The following GPC6 variants were observed in gnomAD, a reference collection of about 807,000 sequenced individuals.
GPC6 encodes the protein glypican-6.
Under a neutral mutation model 55.2 loss-of-function variants are expected in GPC6, and 14 were observed. The ratio of observed to expected loss-of-function variants is 0.25; its 90% CI spans 0.17 to 0.40. The LOEUF (loss-of-function observed/expected upper bound fraction) is 0.40, where lower values mean the gene tolerates loss of function less well. GPC6 is among the 10% of genes least tolerant of loss of function. The pLI is 1.00. For missense variants in GPC6, 641 were observed against 708.5 expected, an observed-to-expected ratio of 0.90 and a Z score of 1.08; for synonymous variants, 278 against 259.6, an observed-to-expected ratio of 1.07 and a Z score of -0.68.
chr13:93,964,340 AT>A, intron 3 of GPC6, among the ~76,000 whole-genome samples: 1 of 152,248 alleles, frequency 6.6e-6, no homozygotes, highest in African/African-American at 2.4e-5. Context: ...GATATCATGC[AT>A]TAGTTTAAGT....
rs142937385 is a variant in GPC6, at chr13:93,590,584, C to A, written c.319+45163C>A. Among the ~76,000 whole-genome samples, 520 of 151,836 alleles carry A rather than the reference C, an allele frequency of 3.4e-3. 4 individuals are homozygous for A. The highest frequency in any genetic ancestry group is 0.012 in the African/African-American group (491 of 41,374). ...TTCTTTAAAATTATATATTTCTTTTCGATAACAATAAGTTTTTTAAAAAAA... is the reference window on the plus strand; with the variant it reads ...TTCTTTAAAATTATATATTTCTTTTAGATAACAATAAGTTTTTTAAAAAAA... On this transcript the variant is annotated intron_variant, in intron 2 of 8. Coordinates refer to ENST00000377047, the MANE Select transcript of GPC6 (RefSeq NM_005708.5).
chr13:94,373,778 T>A (rs1484601427), intron 6 of GPC6, among the ~76,000 whole-genome samples: 1 of 151,990 alleles, frequency 6.6e-6, no homozygotes, highest in Non-Finnish European at 1.5e-5. Flanking sequence ...TCACCAAATT[T>A]GAAATGAAGG....
At chr13:93,480,603 A>G (rs1879478929) in intron 1 of GPC6, among the ~76,000 whole-genome samples, 1 of 152,144 alleles carries the variant, frequency 6.6e-6, no homozygotes, top group African/African-American at 2.4e-5. Context: ...TTTCTTGAAC[A>G]TTTTAGTATC....
chr13:93,847,282 T>A (rs564299220), intron 3 of GPC6, among the ~76,000 whole-genome samples: 22 of 152,224 alleles, frequency 1.4e-4, no homozygotes, highest in African/African-American at 5.3e-4. Context: ...GGCACGTGTC[T>A]GTGGATGTTA....
chr13:93,790,231 C>T (rs945392854), intron 2 of GPC6, among the ~76,000 whole-genome samples: 11 of 152,074 alleles, frequency 7.2e-5, no homozygotes, highest in South Asian at 2.1e-4. Flanking sequence ...TCAAATAAAA[C>T]AATAGGTGAG....
chr13:93,490,341 T>A (rs1879918528), intron 1 of GPC6, among the ~76,000 whole-genome samples: 2 of 151,256 alleles, frequency 1.3e-5, no homozygotes, highest in African/African-American at 4.8e-5. Context: ...CTCAACCTTA[T>A]CACACTGCCA....
intron 3 of GPC6, among the ~76,000 whole-genome samples, chr13:93,873,915 A>T (rs576300107): frequency 1.3e-5 from 2 of 151,690 alleles, no homozygotes; most frequent in Non-Finnish European, 2.9e-5. Flanking sequence ...TCTATCCCCA[A>T]TGTGAGCATT....
chr13:93,637,739 G>A (rs897804156), intron 2 of GPC6, among the ~76,000 whole-genome samples: 19 of 152,032 alleles, frequency 1.2e-4, no homozygotes, highest in African/African-American at 4.6e-4. Context: ...TTGTTTTAAG[G>A]AAGCCTGCTA....
chr13:93,678,058 C>G (rs942060277), intron 2 of GPC6, among the ~76,000 whole-genome samples: 1 of 152,176 alleles, frequency 6.6e-6, no homozygotes, highest in Non-Finnish European at 1.5e-5. Context: ...CTGCCACTGT[C>G]TCCTAAAAGG....
chr13:94,171,841 G>C (rs1888578811), intron 4 of GPC6, among the ~76,000 whole-genome samples: 1 of 152,146 alleles, frequency 6.6e-6, no homozygotes, highest in Admixed American at 6.5e-5. Context: ...CTGGAAGGAA[G>C]GAATCCCCTC....
At chr13:94,268,320 GAT>G (rs1434422497) in intron 4 of GPC6, among the ~76,000 whole-genome samples, 1 of 152,190 alleles carries the variant, frequency 6.6e-6, no homozygotes, top group East Asian at 1.9e-4. Flanking sequence ...AATATACATA[GAT>G]ATAATTCCTT....
chr13:93,977,978 T>C (rs1370143008), intron 3 of GPC6, among the ~76,000 whole-genome samples: 2 of 152,206 alleles, frequency 1.3e-5, no homozygotes, highest in East Asian at 3.9e-4. Context: ...GAAATCGCCA[T>C]AGAGTTGCTT....
At chr13:94,190,306 T>A (rs2138961193) in intron 4 of GPC6, among the ~76,000 whole-genome samples, 1 of 115,434 alleles carries the variant, frequency 8.7e-6, no homozygotes, top group South Asian at 2.5e-4. Flanking sequence ...AGAGCAAGAC[T>A]CTGAAAAAAA....
At chr13:94,150,956 C>A (rs1887718514) in intron 4 of GPC6, among the ~76,000 whole-genome samples, 1 of 151,458 alleles carries the variant, frequency 6.6e-6, no homozygotes, top group Non-Finnish European at 1.5e-5. Context: ...TAAAACTGTC[C>A]AAATATAAAT....
chr13:93,892,614 A>G (rs1285372831), intron 3 of GPC6, among the ~76,000 whole-genome samples: 2 of 152,232 alleles, frequency 1.3e-5, no homozygotes, highest in Non-Finnish European at 2.9e-5. Flanking sequence ...TTTGCATAAC[A>G]TAACATACTC....
At chr13:93,955,717 C>A (rs540766361) in intron 3 of GPC6, among the ~76,000 whole-genome samples, 10 of 152,174 alleles carry the variant, frequency 6.6e-5, no homozygotes, top group South Asian at 2.1e-4. Flanking sequence ...TTTTAATTAA[C>A]AATCAGAGTC....
chr13:94,316,574 G>A (rs1446731591), intron 6 of GPC6, among the ~76,000 whole-genome samples: 1 of 151,650 alleles, frequency 6.6e-6, no homozygotes, highest in Non-Finnish European at 1.5e-5. Context: ...AAAATTAGCC[G>A]GGCGTAGTGG....
intron 1 of GPC6, among the ~76,000 whole-genome samples, chr13:93,288,486 A>G (rs6492657): frequency 0.65 from 99,189 of 151,934 alleles, 33,533 homozygotes; most frequent in African/African-American, 0.83. Context: ...GTATTCAGGG[A>G]TTCTAATCTA....
At chr13:93,676,217 A>G (rs760067760) in intron 2 of GPC6, among the ~76,000 whole-genome samples, 2 of 145,510 alleles carry the variant, frequency 1.4e-5, no homozygotes, top group African/African-American at 2.6e-5. Context: ...GTATATGTGT[A>G]TATATACATG....
Sources: gnomAD v4.1 joint callset for allele counts (sites outside exome capture counted in the v4.1 genomes callset) on GRCh38, gnomAD v4.1.1 for gene constraint, MANE v1.5 for transcripts, NCBI Gene and HGNC (gene_info 2026-07-23, HGNC 2026-07-21) for gene names.